PRKDC: variants seen among roughly 807,000 people sequenced by gnomAD.
The protein encoded by PRKDC is DNA-dependent protein kinase catalytic subunit.
A neutral mutation model predicts 486.9 loss-of-function variants in PRKDC; 82 were observed. That is an observed-to-expected ratio of 0.17 (90% confidence interval 0.14 to 0.20). The LOEUF (loss-of-function observed/expected upper bound fraction) is 0.20, where lower values mean the gene tolerates loss of function less well. Ranked by LOEUF, PRKDC falls within the 10% of genes least tolerant of loss-of-function variation. PRKDC has a pLI of 1.00. For missense variants in PRKDC, 4,504 were observed against 5,038.2 expected (o/e 0.89, Z 3.21); for synonymous variants, 1,895 against 1,837.0 (o/e 1.03, Z -0.81).
intron 50 of PRKDC, among the ~76,000 whole-genome samples, chr8:47,854,925 T>TTA (rs1308693255): frequency 6.6e-6 from 1 of 152,082 alleles, no homozygotes; most frequent in Non-Finnish European, 1.5e-5. Context: ...AAAAAAGGAA[T>TTA]TACGCACAAA....
chr8:47,807,114 G>A (rs755353106), intron 69 of PRKDC, 23 bp downstream of exon 69: 2 of 1,603,602 alleles, frequency 1.2e-6, no homozygotes, highest in Admixed American at 3.4e-5. Flanking sequence ...GACACAGCAG[G>A]GAGGACAGAC....
chr8:47,871,200 T>C (rs2088945043), intron 40 of PRKDC, among the ~76,000 whole-genome samples: 1 of 152,176 alleles, frequency 6.6e-6, no homozygotes, highest in Non-Finnish European at 1.5e-5. Context: ...TTTCCAAACC[T>C]ATTGAGAAAG....
At chr8:47,798,698 A>C (rs1378968470) in intron 72 of PRKDC, among the ~76,000 whole-genome samples, 1 of 152,258 alleles carries the variant, frequency 6.6e-6, no homozygotes, top group Non-Finnish European at 1.5e-5. Flanking sequence ...CACACGAGCC[A>C]GTAATATTGA....
At chr8:47,936,049 T>G in intron 12 of PRKDC, 149 bp from the exon 13 acceptor site, 1 of 853,534 alleles carries the variant, frequency 1.2e-6, no homozygotes. Flanking sequence ...TAACATGTAT[T>G]ACTGTGATTG....
At chr8:47,780,842 G>A (rs1178310890) in intron 80 of PRKDC, among the ~76,000 whole-genome samples, 1 of 152,126 alleles carries the variant, frequency 6.6e-6, no homozygotes, top group Admixed American at 6.6e-5. Flanking sequence ...GAAGGCTGAG[G>A]CAGGAGAATT....
At chr8:47,941,773 T>C (rs938635742) in intron 10 of PRKDC, among the ~76,000 whole-genome samples, 2 of 152,254 alleles carry the variant, frequency 1.3e-5, no homozygotes, top group Admixed American at 1.3e-4. Context: ...ATAGTTCTCT[T>C]GAACTTCTCC....
intron 39 of PRKDC, among the ~76,000 whole-genome samples, chr8:47,879,212 G>C (rs1408742017): frequency 3.3e-5 from 5 of 152,132 alleles, no homozygotes; most frequent in Admixed American, 6.5e-5. Context: ...ATATACTCCT[G>C]TCACTGCTTT....
intron 65 of PRKDC, among the ~76,000 whole-genome samples, chr8:47,821,159 C>A (rs1200698490): frequency 6.6e-6 from 1 of 152,116 alleles, no homozygotes; most frequent in Non-Finnish European, 1.5e-5. Flanking sequence ...GGAACACGTT[C>A]TACAAAAAAT....
chr8:47,880,675 A>C (rs2089194565), intron 38 of PRKDC, among the ~76,000 whole-genome samples: 1 of 152,238 alleles, frequency 6.6e-6, no homozygotes, highest in Non-Finnish European at 1.5e-5. Context: ...TAATAAAGTC[A>C]TTATAGCACA....
At chr8:47,905,160 G>A (rs745919121) in intron 25 of PRKDC, among the ~76,000 whole-genome samples, 184 bp from the exon 26 acceptor site, 3 of 152,030 alleles carry the variant, frequency 2.0e-5, no homozygotes, top group Non-Finnish European at 4.4e-5. Context: ...CAGAATAGCT[G>A]GACTACAGGC....
In PRKDC at chr8:47,934,960, C is replaced by A. The variant is rs1247796287; in HGVS notation, c.1497+49G>T. 4 of 1,381,880 alleles carry A rather than the reference C, an allele frequency of 2.9e-6. No homozygotes were observed. The East Asian group carries it at 1.0e-4, about 35-fold the overall frequency. The allele number at this position is 1,381,880 out of a possible 1,614,324, so 85.6% of individuals were successfully genotyped here. ...TCGAAAACCTCAGCAACATTCCTAGCTTTCAGTGATAACAGATTAATTTTC... is the reference window on the plus strand; with the variant it reads ...TCGAAAACCTCAGCAACATTCCTAGATTTCAGTGATAACAGATTAATTTTC... On this transcript the variant is annotated intron_variant, in intron 14 of 85. Coordinates refer to ENST00000314191, the MANE Select transcript of PRKDC (RefSeq NM_006904.7).
intron 36 of PRKDC, among the ~76,000 whole-genome samples, chr8:47,885,008 G>A (rs903339837): frequency 2.6e-5 from 4 of 152,208 alleles, no homozygotes; most frequent in Non-Finnish European, 5.9e-5. Context: ...GCCCCAGGAC[G>A]GGTTTGTAAG....
chr8:47,908,924 A>C (rs2089844093), intron 25 of PRKDC, among the ~76,000 whole-genome samples: 1 of 152,110 alleles, frequency 6.6e-6, no homozygotes, highest in South Asian at 2.1e-4. Context: ...TCCTTACCCT[A>C]ACTCTAGTCA....
intron 24 of PRKDC, 101 bp from the exon 25 acceptor site, chr8:47,912,663 A>G (rs1293544051): frequency 1.7e-6 from 2 of 1,150,214 alleles, no homozygotes; most frequent in African/African-American, 3.2e-5. Context: ...GAAAAATTTC[A>G]TTGCACATAA....
Position 47,943,838 on chromosome 8 carries a change from TA to T in PRKDC, c.808+14del. On this transcript the variant is annotated intron_variant, in intron 9 of 85. Transcript: ENST00000314191. ...TAATCTAAAATATTATACCTCATTA[TA>T]AACAGAATCCTACCTGAGGGCACAG... is the stretch of plus-strand genomic sequence containing the variant. 1.3e-6 allele frequency: 2 copies of T among 1,566,076 alleles called. No homozygotes were observed. The highest frequency in any genetic ancestry group is 1.8e-5 in the Admixed American group (1 of 55,688).
At chr8:47,846,372 C>T (rs187683094) in intron 54 of PRKDC, among the ~76,000 whole-genome samples, 9 of 148,986 alleles carry the variant, frequency 6.0e-5, no homozygotes, top group Admixed American at 2.7e-4. Flanking sequence ...GCTGAGGTCA[C>T]GCCACTGCAC....
At chr8:47,810,437 A>G (rs1354404723) in intron 68 of PRKDC, among the ~76,000 whole-genome samples, 2 of 152,250 alleles carry the variant, frequency 1.3e-5, no homozygotes, top group African/African-American at 4.8e-5. Context: ...TAAAAACAGT[A>G]TACATAAGGT....
chr8:47,795,746 G>C (rs1445463309), intron 73 of PRKDC, among the ~76,000 whole-genome samples: 1 of 148,560 alleles, frequency 6.7e-6, no homozygotes, highest in African/African-American at 2.5e-5. Flanking sequence ...ACCCGCTTCG[G>C]CCTCCCAAAG....
Position 47,782,703 on chromosome 8 carries a change from G to A in PRKDC, c.11176-105C>T, listed in dbSNP as rs2086718918. 1 of 1,281,694 alleles carries A rather than the reference G, an allele frequency of 7.8e-7. No homozygotes were observed. 79.4% of individuals were successfully genotyped at this position (1,281,694 alleles called of 1,614,324 possible). A position where few individuals can be genotyped will look rare whatever the true frequency, so the allele number is the denominator to read the frequency against. On this transcript the variant is annotated intron_variant, in intron 78 of 85. Transcript: ENST00000314191. The surrounding 1 kb of genome is among the most constrained non-coding windows in gnomAD (Gnocchi z 4.9). ...GCATTCCTCCGTGGGGCCGCCCTCTGAAGACAGTGCCAAAGAGCAGAGCGC... is the reference window on the plus strand; with the variant it reads ...GCATTCCTCCGTGGGGCCGCCCTCTAAAGACAGTGCCAAAGAGCAGAGCGC...
Sources: gnomAD v4.1 joint callset for allele counts (sites outside exome capture counted in the v4.1 genomes callset) on GRCh38, gnomAD v4.1.1 for gene constraint, Gnocchi (gnomAD v3.1) non-coding constraint, MANE v1.5 for transcripts, NCBI Gene and HGNC (gene_info 2026-07-23, HGNC 2026-07-21) for gene names.